COL14A1: variants seen among roughly 807,000 people sequenced by gnomAD.
COL14A1 encodes collagen type XIV alpha 1 chain, also known as collagen alpha-1(XIV) chain.
A neutral mutation model predicts 230.3 loss-of-function variants in COL14A1; 136 were observed. That is an observed-to-expected ratio of 0.59 (90% CI 0.51 to 0.68). The LOEUF (loss-of-function observed/expected upper bound fraction) is 0.68. Ranked by LOEUF, COL14A1 falls within the 30% of genes least tolerant of loss-of-function variation. The probability of loss-of-function intolerance (pLI) is 0.00; values close to 1 mark genes in which losing one functional copy is unlikely to be tolerated. For missense variants in COL14A1, 1,976 were observed against 2,215.8 expected, an observed-to-expected ratio of 0.89 and a Z score of 2.17; for synonymous variants, 792 against 784.1, an observed-to-expected ratio of 1.01 and a Z score of -0.17.
chr8:120,215,427 GGGA>G (rs1817722746), intron 13 of COL14A1, among the ~76,000 whole-genome samples: 2 of 151,844 alleles, frequency 1.3e-5, no homozygotes, highest in African/African-American at 4.8e-5. Flanking sequence ...AAGGAAGGAA[GGGA>G]GGGGAAAAAA....
intron 42 of COL14A1, among the ~76,000 whole-genome samples, chr8:120,333,155 G>A (rs997358308): frequency 9.2e-5 from 14 of 152,300 alleles, no homozygotes; most frequent in Middle Eastern, 3.4e-3. Flanking sequence ...CTACAAGACA[G>A]AATTTACCAG....
chr8:120,248,877 GC>G, intron 21 of COL14A1, among the ~76,000 whole-genome samples: 1 of 137,972 alleles, frequency 7.2e-6, no homozygotes, highest in African/African-American at 2.7e-5. Flanking sequence ...TAAAATATAA[GC>G]ACTTTCTGCC....
At chr8:120,367,806 G>A (rs1008372069) in intron 46 of COL14A1, among the ~76,000 whole-genome samples, 1 of 151,800 alleles carries the variant, frequency 6.6e-6, no homozygotes, top group Admixed American at 6.6e-5. Flanking sequence ...TTAACCAGGC[G>A]TGGTGGCATG....
chr8:120,204,417 A>T (rs1315861471), intron 9 of COL14A1, among the ~76,000 whole-genome samples: 1 of 152,154 alleles, frequency 6.6e-6, no homozygotes, highest in Non-Finnish European at 1.5e-5. Flanking sequence ...GAATGGAGGT[A>T]TGTGGTATGT....
intron 8 of COL14A1, 31 bp from the exon 9 acceptor site, chr8:120,203,678 T>C (rs1478342294): frequency 1.9e-6 from 3 of 1,609,960 alleles, no homozygotes; most frequent in Non-Finnish European, 2.5e-6. Context: ...GGCATAAAAG[T>C]CACCATTCTC....
chr8:120,174,995 A>C (rs1255210612), intron 5 of COL14A1, among the ~76,000 whole-genome samples: 3 of 152,164 alleles, frequency 2.0e-5, no homozygotes, highest in Non-Finnish European at 4.4e-5. Flanking sequence ...ACATTTAACT[A>C]TACTGCTCTT....
In COL14A1 at chr8:120,243,968, G is replaced by A. The variant is rs769029750; in HGVS notation, c.2439G>A (p.Thr813=). Residue 813 remains threonine, a synonymous_variant, in exon 20 of 48, where the codon ACG becomes ACA. Transcript: ENST00000297848. The part of the protein sequence containing the change: ...EYKVTVTPIY[T]DGEGVSVSAP... ...AAGTCACAGTGACTCCCATCTACACGGATGGCGAAGGCGTCAGCGTCTCCG... is the reference window on the plus strand; with the variant it reads ...AAGTCACAGTGACTCCCATCTACACAGATGGCGAAGGCGTCAGCGTCTCCG... The A allele has an allele frequency of 5.5e-5, 88 of 1,613,214 alleles. No homozygotes were observed. The highest frequency in any genetic ancestry group is 6.7e-5 in the Admixed American group (4 of 59,946).
intron 38 of COL14A1, among the ~76,000 whole-genome samples, chr8:120,314,759 A>G (rs995378050): frequency 2.0e-5 from 3 of 152,238 alleles, no homozygotes; most frequent in African/African-American, 7.2e-5. Flanking sequence ...TTAACATGCC[A>G]ATTTGTGTAA....
Position 120,250,536 on chromosome 8 carries a change from A to G in COL14A1, c.2603-81A>G, listed in dbSNP as rs2305607. 0.093 allele frequency: 135,915 copies of G among 1,461,536 alleles called. 10,574 individuals carry two copies. Among genetic ancestry groups the G allele is most frequent in the East Asian group, 0.39 (16,929 of 43,830 alleles). The allele number at this position is 1,461,536 out of a possible 1,614,324, so 90.5% of individuals were successfully genotyped here. A position where few individuals can be genotyped will look rare whatever the true frequency, so the allele number is the denominator to read the frequency against. ...AATCCCAGGCAACTGAAAAGCAGTCAAGTGAATACAATTTGATCTAAGAGT... is the reference window on the plus strand; with the variant it reads ...AATCCCAGGCAACTGAAAAGCAGTCGAGTGAATACAATTTGATCTAAGAGT... On this transcript the variant is annotated intron_variant, in intron 21 of 47. Transcript: ENST00000297848.
chr8:120,264,213 A>G (rs2129778131), intron 24 of COL14A1, among the ~76,000 whole-genome samples: 1 of 151,914 alleles, frequency 6.6e-6, no homozygotes, highest in Admixed American at 6.5e-5. Flanking sequence ...AATATATCAT[A>G]TGTAGTCTTT....
chr8:120,228,616 T>A, intron 17 of COL14A1, 94 bp from the exon 18 acceptor site: 3 of 922,740 alleles, frequency 3.3e-6, no homozygotes, highest in Non-Finnish European at 5.3e-6. Context: ...GCAAGTGAGA[T>A]AATATAGGTG....
At chr8:120,129,026 G>A (rs1190379493) in intron 1 of COL14A1, among the ~76,000 whole-genome samples, 2 of 152,106 alleles carry the variant, frequency 1.3e-5, no homozygotes, top group African/African-American at 4.8e-5. Context: ...ACATTTAATT[G>A]ATGTCTAAAA....
At position 120,214,528 on chromosome 8, in the gene COL14A1, G is replaced by T. The variant is rs541439352; in HGVS notation, c.1598-1823G>T. Among the ~76,000 whole-genome samples, 159 of 152,248 alleles carry T rather than the reference G, an allele frequency of 1.0e-3. 1 individual carries two copies. The highest frequency in any genetic ancestry group is 3.6e-3 in the African/African-American group (149 of 41,554). On this transcript the variant is annotated intron_variant, in intron 13 of 47. Transcript: ENST00000297848. ...AAAAAGCTATGGAATTGACAGTTAGGAATCTGCAGAAATGCCAATACCTCT... is the reference window on the plus strand; with the variant it reads ...AAAAAGCTATGGAATTGACAGTTAGTAATCTGCAGAAATGCCAATACCTCT...
At chr8:120,259,443 G>C (rs898377729) in intron 23 of COL14A1, among the ~76,000 whole-genome samples, 1 of 152,132 alleles carries the variant, frequency 6.6e-6, no homozygotes, top group Non-Finnish European at 1.5e-5. Context: ...TTTGGCATGA[G>C]AGGTTGAGGA....
intron 5 of COL14A1, among the ~76,000 whole-genome samples, chr8:120,194,959 A>G (rs1027960241): frequency 2.6e-5 from 4 of 152,198 alleles, no homozygotes; most frequent in Non-Finnish European, 5.9e-5. Flanking sequence ...TTGACTCCCA[A>G]ATACAAAGTT....
chr8:120,195,756 C>T (rs2079358354), intron 5 of COL14A1, among the ~76,000 whole-genome samples: 1 of 152,154 alleles, frequency 6.6e-6, no homozygotes, highest in Admixed American at 6.5e-5. Flanking sequence ...ATGGGAAATA[C>T]CTGCCCCCAT....
At chr8:120,367,875 T>C (rs1398933258) in intron 46 of COL14A1, among the ~76,000 whole-genome samples, 1 of 151,356 alleles carries the variant, frequency 6.6e-6, no homozygotes, top group Non-Finnish European at 1.5e-5. Context: ...GCTCTGGAGG[T>C]TGAGGCTACA....
chr8:120,262,630 T>C (rs548787958), intron 23 of COL14A1, among the ~76,000 whole-genome samples: 8 of 152,172 alleles, frequency 5.3e-5, no homozygotes, highest in African/African-American at 9.7e-5. Context: ...ATTTCAGAAG[T>C]CTTTTAATAG....
intron 36 of COL14A1, among the ~76,000 whole-genome samples, chr8:120,309,615 G>A (rs1020098686): frequency 7.9e-5 from 12 of 152,204 alleles, no homozygotes; most frequent in African/African-American, 2.9e-4. Flanking sequence ...CTACTTTCAT[G>A]TGCTTTCTAC....
Sources: allele counts gnomAD v4.1 joint callset (sites outside exome capture counted in the v4.1 genomes callset), GRCh38; gene constraint gnomAD v4.1.1; transcripts MANE v1.5; gene names NCBI Gene and HGNC (gene_info 2026-07-23, HGNC 2026-07-21).